PCDHAC1: variants seen among roughly 807,000 people sequenced by gnomAD.
PCDHAC1 encodes protocadherin alpha-C1.
A neutral mutation model predicts 60.0 loss-of-function variants in PCDHAC1; 42 were observed. That is an observed-to-expected ratio of 0.70 (90% CI 0.55 to 0.90). PCDHAC1 has a LOEUF of 0.90. PCDHAC1 is among the 40% of genes least tolerant of loss of function. The pLI is 0.00. For missense variants in PCDHAC1, 1,160 were observed against 1,222.3 expected, an observed-to-expected ratio of 0.95 and a Z score of 0.76; for synonymous variants, 468 against 499.3, an observed-to-expected ratio of 0.94 and a Z score of 0.84.
intron 1 of PCDHAC1, among the ~76,000 whole-genome samples, chr5:140,941,445 A>C (rs1472770794): frequency 8.0e-5 from 12 of 149,892 alleles, no homozygotes; most frequent in Middle Eastern, 6.8e-3. Context: ...CCTCGGGAGT[A>C]GCTGGGATTA....
chr5:140,931,907 G>A (rs573618162), intron 1 of PCDHAC1, among the ~76,000 whole-genome samples: 107 of 151,900 alleles, frequency 7.0e-4, no homozygotes, highest in Middle Eastern at 3.5e-3. Context: ...CATTTGAAAA[G>A]CATGACATTT....
intron 1 of PCDHAC1, among the ~76,000 whole-genome samples, chr5:140,940,564 T>C (rs1481591678): frequency 2.0e-5 from 3 of 152,228 alleles, no homozygotes; most frequent in Non-Finnish European, 4.4e-5. Flanking sequence ...TTCTCCTACC[T>C]TGGCTCCCAA....
chr5:140,995,893 A>G (rs1038677586), intron 3 of PCDHAC1, among the ~76,000 whole-genome samples: 3 of 152,182 alleles, frequency 2.0e-5, no homozygotes, highest in Non-Finnish European at 4.4e-5. Flanking sequence ...AGATTTATCA[A>G]TGTATAAAAG....
chr5:140,950,738 T>C (rs900517873), intron 1 of PCDHAC1, among the ~76,000 whole-genome samples: 5 of 152,150 alleles, frequency 3.3e-5, no homozygotes, highest in African/African-American at 7.2e-5. Flanking sequence ...TTAATCCTAA[T>C]TTCTCTCTAT....
intron 1 of PCDHAC1, among the ~76,000 whole-genome samples, chr5:140,972,883 C>T (rs1020544230): frequency 1.1e-4 from 16 of 151,884 alleles, no homozygotes; most frequent in African/African-American, 1.7e-4. Context: ...AGGATGGTCT[C>T]GATCTCTTGA....
intron 3 of PCDHAC1, among the ~76,000 whole-genome samples, chr5:140,989,886 C>T (rs954644773): frequency 1.3e-5 from 2 of 151,784 alleles, no homozygotes. Flanking sequence ...CACTTGGAGT[C>T]TCCGTTATTC....
chr5:141,005,333 A>T (rs1554260005), intron 3 of PCDHAC1, among the ~76,000 whole-genome samples: 1 of 152,224 alleles, frequency 6.6e-6, no homozygotes, highest in Non-Finnish European at 1.5e-5. Flanking sequence ...TAATAGGCCA[A>T]GGGGGTGCTG....
rs1206531954 is a variant in PCDHAC1, at chr5:140,929,129, C to A, written c.2237C>A (p.Thr746Lys). Residue 746 changes from threonine (T) to lysine (K), a missense_variant, in exon 1 of 4, where the codon ACA becomes AAA. By Grantham distance (78) the Thr-to-Lys change is moderately conservative. This residue lies in a region of PCDHAC1 where 1,113 missense variants were observed against 1,163.7 expected (regional missense o/e 0.96). Coordinates refer to ENST00000253807, the MANE Select transcript of PCDHAC1 (RefSeq NM_018898.5). ...ACATCAGCCACCATAGATGTCACTA[C>A]AGTTGAGAGACTTTCTCAGACTTAT... ...CMTSATIDVT[T>K]VERLSQTYLY... The A allele has an allele frequency of 6.2e-7, 1 of 1,614,052 alleles. No individual in the cohort carries two copies. The highest frequency in any genetic ancestry group is 2.2e-5 in the East Asian group (1 of 44,896).
intron 1 of PCDHAC1, among the ~76,000 whole-genome samples, chr5:140,976,735 T>G (rs1412647375): frequency 1.3e-5 from 2 of 152,160 alleles, no homozygotes; most frequent in Non-Finnish European, 2.9e-5. Flanking sequence ...TTAAACACAT[T>G]TTAAAAACCT....
chr5:140,993,535 GAGAT>G (rs2097571300), intron 3 of PCDHAC1, among the ~76,000 whole-genome samples: 1 of 151,900 alleles, frequency 6.6e-6, no homozygotes, highest in African/African-American at 2.4e-5. Context: ...GAGAGAGAGA[GAGAT>G]AGAGAAGTGA....
At chr5:140,951,723 A>C (rs1364455679) in intron 1 of PCDHAC1, among the ~76,000 whole-genome samples, 1 of 152,104 alleles carries the variant, frequency 6.6e-6, no homozygotes, top group African/African-American at 2.4e-5. Context: ...GATCCAAACC[A>C]TGTCATTCTG....
chr5:140,932,750 GGAAA>G (rs1554209054), intron 1 of PCDHAC1, among the ~76,000 whole-genome samples: 1 of 151,518 alleles, frequency 6.6e-6, no homozygotes, highest in Non-Finnish European at 1.5e-5. Flanking sequence ...TCAGTAAAAA[GGAAA>G]GAAAAAGAAC....
At chr5:140,976,148 C>T (rs1563445972) in intron 1 of PCDHAC1, among the ~76,000 whole-genome samples, 1 of 152,160 alleles carries the variant, frequency 6.6e-6, no homozygotes, top group Non-Finnish European at 1.5e-5. Flanking sequence ...AACTCATGTA[C>T]ATTTTACTAC....
At chr5:140,968,661 T>C (rs1554230945) in intron 1 of PCDHAC1, 1 of 1,614,182 alleles carries the variant, frequency 6.2e-7, no homozygotes, top group East Asian at 2.2e-5. Flanking sequence ...GACCTGGACC[T>C]CTTTAAGGTA....
chr5:141,002,246 C>G (rs1217451636), intron 3 of PCDHAC1, among the ~76,000 whole-genome samples: 1 of 152,190 alleles, frequency 6.6e-6, no homozygotes, highest in Non-Finnish European at 1.5e-5. Flanking sequence ...CTTTATTAAC[C>G]TCAGCACTGA....
intron 1 of PCDHAC1, among the ~76,000 whole-genome samples, chr5:140,975,382 A>G (rs1219046015): frequency 1.3e-5 from 2 of 152,258 alleles, no homozygotes; most frequent in African/African-American, 4.8e-5. Flanking sequence ...AATCATGGGA[A>G]TAAGATCCAT....
intron 3 of PCDHAC1, among the ~76,000 whole-genome samples, chr5:140,994,613 G>A (rs1452021453): frequency 2.0e-5 from 3 of 152,082 alleles, no homozygotes; most frequent in Admixed American, 6.5e-5. Flanking sequence ...GCTGAGGCAC[G>A]AGAGTCACTT....
At chr5:140,967,585 C>T (rs1278675624) in intron 1 of PCDHAC1, 1 of 1,614,152 alleles carries the variant, frequency 6.2e-7, no homozygotes, top group Non-Finnish European at 8.5e-7. Flanking sequence ...CACCCCCAGG[C>T]ACATTGGTGG....
At chr5:141,006,689 G>C (rs1249412460) in intron 3 of PCDHAC1, among the ~76,000 whole-genome samples, 3 of 152,072 alleles carry the variant, frequency 2.0e-5, no homozygotes, top group African/African-American at 7.2e-5. Flanking sequence ...TGGGAGAAGA[G>C]GACAGAGTCA....
Sources: allele counts gnomAD v4.1 joint callset (sites outside exome capture counted in the v4.1 genomes callset), GRCh38; gene constraint gnomAD v4.1.1; regional missense constraint gnomAD v4.1.1; transcripts MANE v1.5; gene names NCBI Gene and HGNC (gene_info 2026-07-23, HGNC 2026-07-21).